Variants in SPAG16 observed in about 807,000 individuals in gnomAD.
SPAG16 encodes the protein sperm-associated antigen 16 protein.
Under a neutral mutation model 80.4 loss-of-function variants are expected in SPAG16, and 86 were observed. The observed-to-expected ratio is 1.07, with a 90% CI of 0.90 to 1.28. The LOEUF (loss-of-function observed/expected upper bound fraction) is 1.28. Among genes scored for constraint, SPAG16 ranks in the 50% most tolerant of loss-of-function variants. The pLI is 0.00. For synonymous variants in SPAG16, 294 were observed against 265.9 expected (o/e 1.11, Z -1.03); for missense variants, 870 against 765.3 (o/e 1.14, Z -1.61).
chr2:213,560,945 C>A (rs1258931168), intron 10 of SPAG16, among the ~76,000 whole-genome samples: 1 of 152,188 alleles, frequency 6.6e-6, no homozygotes, highest in African/African-American at 2.4e-5. Flanking sequence ...CTCACTGCAA[C>A]CTCTGCATTC....
chr2:214,108,285 C>T, intron 14 of SPAG16, 24 bp downstream of exon 14: 12 of 1,575,504 alleles, frequency 7.6e-6, no homozygotes, highest in Non-Finnish European at 1.0e-5. Flanking sequence ...TCCCAGTAAA[C>T]TGTTTTTAAT....
intron 15 of SPAG16, among the ~76,000 whole-genome samples, chr2:214,233,362 G>A (rs1688842413): frequency 6.6e-6 from 1 of 151,730 alleles, no homozygotes; most frequent in South Asian, 2.1e-4. Context: ...TGATGATGAT[G>A]ATGATGATGA....
chr2:214,357,859 G>T (rs1698922413), intron 15 of SPAG16, among the ~76,000 whole-genome samples: 1 of 151,780 alleles, frequency 6.6e-6, no homozygotes, highest in African/African-American at 2.4e-5. Flanking sequence ...AGGTATCTAG[G>T]GATGTTTGGA....
chr2:214,349,625 A>G (rs1698272897), intron 15 of SPAG16, among the ~76,000 whole-genome samples: 1 of 152,206 alleles, frequency 6.6e-6, no homozygotes, highest in Non-Finnish European at 1.5e-5. Context: ...GTCATAAGGT[A>G]TGTGTAAGTT....
intron 12 of SPAG16, among the ~76,000 whole-genome samples, chr2:213,976,135 T>TATATATATATACACACACACACAC (rs749957411): frequency 7.4e-5 from 6 of 81,406 alleles, no homozygotes; most frequent in East Asian, 7.6e-4. Flanking sequence ...TATATATATA[T>TATATATATATACACACACACACAC]ACACACACAC....
rs376353234 is a variant in SPAG16 at position 213,528,854 on chromosome 2, T to A, written c.1070+38764T>A. ...TTGTGTTGAGCTGAATTCAAAGCCA[T>A]CCTGGGCTGTATGTTGCCTGCAGGC... On this transcript the variant is annotated intron_variant, in intron 10 of 15. Transcript: ENST00000331683. Among the ~76,000 whole-genome samples the A allele has an allele frequency of 2.3e-4, 35 of 152,324 alleles. No homozygotes were observed. The East Asian group carries it at 6.2e-3, about 27-fold the overall frequency.
At chr2:213,390,980 A>C (rs75900300) in intron 9 of SPAG16, among the ~76,000 whole-genome samples, 180 of 152,256 alleles carry the variant, frequency 1.2e-3, no homozygotes, top group Admixed American at 3.5e-3. Context: ...GATCTTTAGA[A>C]ATTATATGGC....
intron 15 of SPAG16, among the ~76,000 whole-genome samples, chr2:214,350,480 G>A (rs1698323004): frequency 6.6e-6 from 1 of 152,166 alleles, no homozygotes. Context: ...ACCATCTTGA[G>A]TAGATAATAT....
At chr2:213,980,137 G>A (rs931997580) in intron 12 of SPAG16, among the ~76,000 whole-genome samples, 27 of 150,104 alleles carry the variant, frequency 1.8e-4, no homozygotes, top group African/African-American at 5.9e-4. Flanking sequence ...AGATCACGAG[G>A]TCAAGAGATT....
chr2:214,012,246 A>ATT (rs1303271126), intron 12 of SPAG16, among the ~76,000 whole-genome samples: 3 of 114,832 alleles, frequency 2.6e-5, no homozygotes, highest in African/African-American at 9.6e-5. Flanking sequence ...ATATATATAT[A>ATT]TTTTTATACT....
chr2:213,642,979 T>C (rs2125118512), intron 10 of SPAG16, among the ~76,000 whole-genome samples: 1 of 151,736 alleles, frequency 6.6e-6, no homozygotes, highest in East Asian at 1.9e-4. Context: ...AGCCTGCAGA[T>C]GGCTTATTGT....
chr2:213,592,693 G>T (rs2060743292), intron 10 of SPAG16, among the ~76,000 whole-genome samples: 1 of 152,186 alleles, frequency 6.6e-6, no homozygotes, highest in Non-Finnish European at 1.5e-5. Context: ...ATCCATGTGT[G>T]CTCTCCATGA....
chr2:213,782,713 T>C (rs1394716618), intron 10 of SPAG16, among the ~76,000 whole-genome samples: 4 of 152,188 alleles, frequency 2.6e-5, no homozygotes, highest in Non-Finnish European at 5.9e-5. Flanking sequence ...AATTCACTGA[T>C]AAAAGTATGA....
intron 10 of SPAG16, among the ~76,000 whole-genome samples, chr2:213,648,797 G>A (rs1574642939): frequency 6.6e-6 from 1 of 152,094 alleles, no homozygotes; most frequent in African/African-American, 2.4e-5. Context: ...TTCCAGGAAA[G>A]TACTCCAATT....
At chr2:213,557,111 A>G (rs953359886) in intron 10 of SPAG16, among the ~76,000 whole-genome samples, 1 of 152,264 alleles carries the variant, frequency 6.6e-6, no homozygotes, top group Non-Finnish European at 1.5e-5. Context: ...TTCTCAGTAA[A>G]TAAGTTGTAT....
At chr2:214,245,027 G>A (rs1269976766) in intron 15 of SPAG16, among the ~76,000 whole-genome samples, 1 of 151,956 alleles carries the variant, frequency 6.6e-6, no homozygotes, top group Non-Finnish European at 1.5e-5. Flanking sequence ...AGAACCATTG[G>A]TTGCTGTTCT....
At chr2:213,766,419 A>G (rs1164708010) in intron 10 of SPAG16, among the ~76,000 whole-genome samples, 3 of 152,218 alleles carry the variant, frequency 2.0e-5, no homozygotes, top group Non-Finnish European at 4.4e-5. Context: ...ACATCTAGTC[A>G]CAGGTTGGGA....
intron 10 of SPAG16, among the ~76,000 whole-genome samples, chr2:213,664,840 T>C (rs992325377): frequency 6.6e-6 from 1 of 152,070 alleles, no homozygotes; most frequent in Admixed American, 6.6e-5. Context: ...TATATACATA[T>C]ATACACACAC....
chr2:214,031,739 G>A (rs1240195183), intron 13 of SPAG16, among the ~76,000 whole-genome samples: 1 of 152,002 alleles, frequency 6.6e-6, no homozygotes, highest in African/African-American at 2.4e-5. Flanking sequence ...CACAGCTGGG[G>A]AGGTCTCAGG....
Sources: gnomAD v4.1 joint callset for allele counts (sites outside exome capture counted in the v4.1 genomes callset) on GRCh38, gnomAD v4.1.1 for gene constraint, MANE v1.5 for transcripts, NCBI Gene and HGNC (gene_info 2026-07-23, HGNC 2026-07-21) for gene names.